The following PTPRG variants were observed in gnomAD, a reference collection of about 807,000 sequenced individuals.
PTPRG encodes receptor-type tyrosine-protein phosphatase gamma.
Under a neutral mutation model 165.3 loss-of-function variants are expected in PTPRG, and 102 were observed. That is an observed-to-expected ratio of 0.62 (90% CI 0.53 to 0.73). The LOEUF (loss-of-function observed/expected upper bound fraction) is 0.73, where lower values mean the gene tolerates loss of function less well. Among genes scored for constraint, PTPRG ranks in the 30% least tolerant of loss-of-function variants. The pLI is 0.00. For missense variants in PTPRG, 1,866 were observed against 1,861.4 expected (o/e 1.00, Z -0.05); for synonymous variants, 675 against 669.5 (o/e 1.01, Z -0.13).
At chr3:61,571,426 C>G (rs1700052739) in intron 1 of PTPRG, among the ~76,000 whole-genome samples, 1 of 152,024 alleles carries the variant, frequency 6.6e-6, no homozygotes, top group African/African-American at 2.4e-5. Context: ...TGTATTTCAC[C>G]CTGTTACTTT....
rs2148911986 is a variant in PTPRG, at chr3:62,297,231, T to C, written c.*3924T>C. 1 of 152,220 alleles carries C rather than the reference T, an allele frequency of 6.6e-6. No homozygotes were observed. Among genetic ancestry groups the C allele is most frequent in the Middle Eastern group, 3.4e-3 (1 of 294 alleles). The allele number at this position is 152,220 out of a possible 1,614,324, so 9.4% of individuals were successfully genotyped here. On this transcript the variant is annotated 3_prime_UTR_variant, in exon 30 of 30. Coordinates refer to ENST00000474889, the MANE Select transcript of PTPRG (RefSeq NM_002841.4). ...GTTTCAACTCCGTCATAGTTTTTTT[T>C]CCTTTTTGTGGTGGATATGTGAATT...
At chr3:61,658,576 T>A (rs1039471137) in intron 1 of PTPRG, among the ~76,000 whole-genome samples, 4 of 152,242 alleles carry the variant, frequency 2.6e-5, no homozygotes, top group African/African-American at 9.6e-5. Flanking sequence ...CACATCACAC[T>A]TTTATTTTCA....
intron 2 of PTPRG, among the ~76,000 whole-genome samples, chr3:61,919,934 C>A (rs1427027652): frequency 6.6e-6 from 1 of 152,180 alleles, no homozygotes; most frequent in East Asian, 1.9e-4. Context: ...GTCTTCTAAT[C>A]CTATTGGTTA....
chr3:62,279,090 G>A (rs1042372537), intron 26 of PTPRG, among the ~76,000 whole-genome samples: 2 of 152,026 alleles, frequency 1.3e-5, no homozygotes, highest in Non-Finnish European at 2.9e-5. Context: ...TCAGTTCTGA[G>A]ATGGAGAGTT....
intron 6 of PTPRG, among the ~76,000 whole-genome samples, chr3:62,143,855 C>T (rs534551422): frequency 2.0e-5 from 3 of 152,282 alleles, no homozygotes; most frequent in African/African-American, 7.2e-5. Flanking sequence ...ACCTCTCTGT[C>T]CCTGACTTTC....
chr3:61,734,917 A>T (rs1278288895), intron 1 of PTPRG, among the ~76,000 whole-genome samples: 2 of 152,224 alleles, frequency 1.3e-5, no homozygotes, highest in Non-Finnish European at 2.9e-5. Flanking sequence ...AGCTTTCCAA[A>T]GTCATGAAAC....
intron 1 of PTPRG, among the ~76,000 whole-genome samples, chr3:61,653,625 A>G (rs573805679): frequency 6.6e-6 from 1 of 152,298 alleles, no homozygotes; most frequent in South Asian, 2.1e-4. Context: ...ATGTGTAGCT[A>G]AATCATTGCA....
Position 62,064,494 on chromosome 3 carries a change from C to T in PTPRG, c.520-13669C>T, listed in dbSNP as rs1700937150. 3.5e-5 allele frequency among the ~76,000 whole-genome samples: 4 copies of T among 113,136 alleles called. No homozygotes were observed. In the South Asian group the frequency reaches 1.2e-3, roughly 35 times the overall value. 74.2% of individuals were successfully genotyped at this position (113,136 alleles called of 152,430 possible). A position where few individuals can be genotyped will look rare whatever the true frequency, so the allele number is the denominator to read the frequency against. On this transcript the variant is annotated intron_variant, in intron 4 of 29. Coordinates refer to ENST00000474889, the MANE Select transcript of PTPRG (RefSeq NM_002841.4). ...AGTCTCCCAAATTAGTGCCTAATTT[C>T]TTCCTTCCCCTCCGTAGGTTCTACC...
At chr3:61,887,474 G>C in intron 2 of PTPRG, among the ~76,000 whole-genome samples, 1 of 152,030 alleles carries the variant, frequency 6.6e-6, no homozygotes, top group Non-Finnish European at 1.5e-5. Context: ...AGTGTATTCA[G>C]ATTTCTTTAG....
intron 4 of PTPRG, among the ~76,000 whole-genome samples, chr3:62,015,807 T>C (rs1430512530): frequency 6.6e-6 from 1 of 152,136 alleles, no homozygotes; most frequent in Non-Finnish European, 1.5e-5. Context: ...TCCAATTGTT[T>C]TGAAGGCAGA....
At chr3:61,614,417 C>G in intron 1 of PTPRG, among the ~76,000 whole-genome samples, 1 of 32,604 alleles carries the variant, frequency 3.1e-5, no homozygotes, top group African/African-American at 9.1e-5. Flanking sequence ...TTTAATAATA[C>G]CTTTTTTTTT....
At chr3:61,653,646 T>C (rs1039360451) in intron 1 of PTPRG, among the ~76,000 whole-genome samples, 1 of 152,158 alleles carries the variant, frequency 6.6e-6, no homozygotes, top group African/African-American at 2.4e-5. Context: ...TATGTCTTTG[T>C]TTTGTTAGGA....
intron 5 of PTPRG, among the ~76,000 whole-genome samples, chr3:62,110,953 C>T (rs187885581): frequency 3.3e-5 from 5 of 152,218 alleles, no homozygotes; most frequent in Non-Finnish European, 1.5e-5. Flanking sequence ...TGGAAGCAAG[C>T]TGTGTGGGAT....
At chr3:62,209,351 G>A (rs773362513) in intron 12 of PTPRG, among the ~76,000 whole-genome samples, 8 of 152,174 alleles carry the variant, frequency 5.3e-5, no homozygotes, top group Non-Finnish European at 1.2e-4. Context: ...TGCCAAGGCC[G>A]AGAACCCCTG....
intron 13 of PTPRG, among the ~76,000 whole-genome samples, chr3:62,226,954 G>C (rs1196887555): frequency 6.6e-6 from 1 of 152,154 alleles, no homozygotes; most frequent in Non-Finnish European, 1.5e-5. Flanking sequence ...GAGTTTTGTT[G>C]ACATTGCAAT....
At chr3:61,615,471 A>G (rs1185175312) in intron 1 of PTPRG, among the ~76,000 whole-genome samples, 1 of 152,202 alleles carries the variant, frequency 6.6e-6, no homozygotes, top group Admixed American at 6.5e-5. Context: ...TTTCAATCCT[A>G]TCAGGTGATT....
chr3:61,898,833 T>C (rs1218329736), intron 2 of PTPRG, among the ~76,000 whole-genome samples: 2 of 152,222 alleles, frequency 1.3e-5, no homozygotes, highest in Non-Finnish European at 2.9e-5. Context: ...GTAAGATTAA[T>C]CTGACTTGAG....
chr3:61,608,539 C>T (rs142733898), intron 1 of PTPRG, among the ~76,000 whole-genome samples: 203 of 152,272 alleles, frequency 1.3e-3, no homozygotes, highest in African/African-American at 4.8e-3. Flanking sequence ...AGCCATCCTG[C>T]TGCCAGCCTG....
intron 5 of PTPRG, among the ~76,000 whole-genome samples, chr3:62,130,667 T>C (rs751046154): frequency 4.6e-5 from 7 of 152,230 alleles, no homozygotes; most frequent in Non-Finnish European, 1.0e-4. Context: ...TTGGCCACTT[T>C]TACTGGTTAG....
Sources: allele counts gnomAD v4.1 joint callset (sites outside exome capture counted in the v4.1 genomes callset), GRCh38; gene constraint gnomAD v4.1.1; transcripts MANE v1.5; gene names NCBI Gene and HGNC (gene_info 2026-07-23, HGNC 2026-07-21).